Variants in PLA2G4F observed in about 807,000 individuals in gnomAD.
PLA2G4F encodes the protein cytosolic phospholipase A2 zeta.
PLA2G4F carries 105 observed loss-of-function variants against 103.1 expected under a neutral mutation model. The observed-to-expected ratio is 1.02, with a 90% CI of 0.87 to 1.20. The LOEUF (loss-of-function observed/expected upper bound fraction) is 1.20, where lower values mean the gene tolerates loss of function less well. Among genes scored for constraint, PLA2G4F ranks in the 50% most tolerant of loss-of-function variants. The pLI is 0.00. For missense variants in PLA2G4F, 1,155 were observed against 1,075.9 expected (o/e 1.07, Z -1.03); for synonymous variants, 468 against 441.1 (o/e 1.06, Z -0.76).
At chr15:42,151,007 C>T (rs1595623016) in intron 7 of PLA2G4F, 60 of 985,382 alleles carry the variant, frequency 6.1e-5, no homozygotes, top group Non-Finnish European at 6.9e-5. Flanking sequence ...GGGTGGGAAG[C>T]ACACAAATGC....
rs2048829207 is a variant in PLA2G4F, at chr15:42,141,878, A to G, written c.*106T>C. ...GCACCTCGAGGCAGGTCCTGGAGAG[A>G]AGGGAAGCAGATCCTGCACAGAGTC... On this transcript the variant is annotated 3_prime_UTR_variant, in exon 20 of 20. Coordinates refer to ENST00000397272, the MANE Select transcript of PLA2G4F (RefSeq NM_213600.4). 8.2e-7 allele frequency: 1 copy of G among 1,212,546 alleles called. No individual in the cohort carries two copies. Among genetic ancestry groups the G allele is most frequent in the Non-Finnish European group, 1.2e-6 (1 of 861,818 alleles). 75.1% of individuals were successfully genotyped at this position (1,212,546 alleles called of 1,614,324 possible). A position where few individuals can be genotyped will look rare whatever the true frequency, so the allele number is the denominator to read the frequency against.
In PLA2G4F at chr15:42,141,931, G is replaced by C; in HGVS notation, c.*53C>G. The C allele has an allele frequency of 4.6e-6, 7 of 1,536,298 alleles. No homozygotes were observed. Among genetic ancestry groups the C allele is most frequent in the Non-Finnish European group, 5.4e-6 (6 of 1,118,820 alleles). On this transcript the variant is annotated 3_prime_UTR_variant, in exon 20 of 20. Coordinates refer to ENST00000397272, the MANE Select transcript of PLA2G4F (RefSeq NM_213600.4). The stretch of plus-strand genomic sequence containing the variant: ...CATCGCTCCTCCCTCTACAAGCCCT[G>C]ACCATGAGCAGTGTGTCTCCTCTCT...
At position 42,141,223 on chromosome 15, in the gene PLA2G4F, A is replaced by T. The variant is rs2048824517; in HGVS notation, c.*761T>A. 1 of 456,600 alleles carries T rather than the reference A, an allele frequency of 2.2e-6. No individual in the cohort carries two copies. Among genetic ancestry groups the T allele is most frequent in the Non-Finnish European group, 4.4e-6 (1 of 226,978 alleles). The allele number at this position is 456,600 out of a possible 1,614,324, so 28.3% of individuals were successfully genotyped here. A position where few individuals can be genotyped will look rare whatever the true frequency, so the allele number is the denominator to read the frequency against. On this transcript the variant is annotated 3_prime_UTR_variant, in exon 20 of 20. Coordinates refer to ENST00000397272, the MANE Select transcript of PLA2G4F (RefSeq NM_213600.4). ...TTTAGCTCCTAGGAATGGTGAGACT[A>T]TATTTGCATGATGTGGCCACTACAC...
At chr15:42,144,310 T>C (rs1262930850) in intron 17 of PLA2G4F, 140 bp downstream of exon 17, 1 of 1,388,910 alleles carries the variant, frequency 7.2e-7, no homozygotes, top group African/African-American at 1.4e-5. Context: ...TCCAGCAGTA[T>C]TTAGAGTCGC....
chr15:42,146,428 TG>T (rs35576210), intron 13 of PLA2G4F, among the ~76,000 whole-genome samples, 187 bp from the exon 14 acceptor site: 1 of 152,236 alleles, frequency 6.6e-6, no homozygotes, highest in African/African-American at 2.4e-5. Flanking sequence ...GAGCCCACAG[TG>T]GGTCTGTACA....
intron 7 of PLA2G4F, chr15:42,151,016 G>C (rs2048955848): frequency 5.1e-6 from 5 of 985,334 alleles, no homozygotes; most frequent in Non-Finnish European, 4.8e-6. Flanking sequence ...GCACACAAAT[G>C]CCTGGAGGGG....
rs199610183 is a variant in PLA2G4F, at chr15:42,145,563, C to T, written c.1780+12G>A. On this transcript the variant is annotated intron_variant, in intron 16 of 19. Transcript: ENST00000397272. ...ATGTGGTGTGGGAGGGGCTCGGGGT[C>T]GCTACCCTCACCTGTGATATTCACA... is the stretch of plus-strand genomic sequence containing the variant. 2,805 of 1,611,700 alleles carry T rather than the reference C, an allele frequency of 1.7e-3. 5 individuals are homozygous for T. The highest frequency in any genetic ancestry group is 2.2e-3 in the Non-Finnish European group (2,649 of 1,178,124).
Position 42,153,665 on chromosome 15 carries a change from A to G in PLA2G4F, c.451-5T>C, listed in dbSNP as rs764060475. ...CACCTGCAGCTCTTGTGAATCCTAC[A>G]TGGAGGGGGAGGGAGCACCAATTTT... On this transcript the variant is annotated splice_polypyrimidine_tract_variant and splice_region_variant and intron_variant, in intron 4 of 19. Transcript: ENST00000397272. 8.7e-6 allele frequency: 14 copies of G among 1,614,050 alleles called. No homozygotes were observed. Among genetic ancestry groups the G allele is most frequent in the East Asian group, 2.2e-5 (1 of 44,864 alleles).
Position 42,147,163 on chromosome 15 carries a change from GT to G in PLA2G4F, c.1379del (p.Asp460AlafsTer46), listed in dbSNP as rs1321779775. On this transcript the variant is annotated frameshift_variant, in exon 13 of 20. Coordinates refer to ENST00000397272, the MANE Select transcript of PLA2G4F (RefSeq NM_213600.4). LOFTEE classifies it high-confidence loss of function. Reference sequence around the variant, plus strand: ...GATACTCAACAAGGAGGCCCCAGAGGTCGATGAGGGACACGCTGTGGCCACT... The same window carrying G: ...GATACTCAACAAGGAGGCCCCAGAGGCGATGAGGGACACGCTGTGGCCACT... ...ERSGHSVSLI[D>X]LWGLLVEYLL... The G allele has an allele frequency of 2.5e-6, 4 of 1,612,744 alleles. No individual in the cohort carries two copies. Among genetic ancestry groups the G allele is most frequent in the Non-Finnish European group, 8.5e-7 (1 of 1,179,958 alleles).
In PLA2G4F at chr15:42,146,251, AAAG is replaced by A. The variant is rs2048884127; in HGVS notation, c.1420-13_1420-11del. On this transcript the variant is annotated splice_polypyrimidine_tract_variant and intron_variant, in intron 13 of 19. Coordinates refer to ENST00000397272, the MANE Select transcript of PLA2G4F (RefSeq NM_213600.4). ...GCTTGGCAGGGTTCTCCTGGGCAGG[AAAG>A]AAGGGAGGCAGCTTGGCCTTTCAGG... The A allele has an allele frequency of 1.2e-6, 2 of 1,613,412 alleles. No homozygotes were observed. Among genetic ancestry groups the A allele is most frequent in the Non-Finnish European group, 1.7e-6 (2 of 1,179,396 alleles).
chr15:42,146,748 G>A (rs2048889680), intron 13 of PLA2G4F: 1 of 236,688 alleles, frequency 4.2e-6, no homozygotes, highest in East Asian at 1.0e-4. Context: ...GGAATTGGCT[G>A]AGAAGTGGGT....
At position 42,147,788 on chromosome 15, in the gene PLA2G4F, C is replaced by T. The variant is rs1042653110; in HGVS notation, c.1060-26G>A. On this transcript the variant is annotated intron_variant, in intron 11 of 19. Coordinates refer to ENST00000397272, the MANE Select transcript of PLA2G4F (RefSeq NM_213600.4). Reference sequence around the variant, plus strand: ...CTGGGTACAATAATAACAAGGATAACGACTCCGACTACCACCGTCATTGAC... The same window carrying T: ...CTGGGTACAATAATAACAAGGATAATGACTCCGACTACCACCGTCATTGAC... 8.1e-6 allele frequency: 13 copies of T among 1,611,718 alleles called. No individual in the cohort carries two copies. The South Asian group carries it at 1.1e-4, about 14-fold the overall frequency.
chr15:42,150,978 C>G, intron 7 of PLA2G4F: 1 of 985,336 alleles, frequency 1.0e-6, no homozygotes, highest in Non-Finnish European at 1.2e-6. Flanking sequence ...CTGCCCTGGT[C>G]AGAACTGGGA....
chr15:42,151,783 A>G (rs369599993), intron 7 of PLA2G4F: 3 of 586,076 alleles, frequency 5.1e-6, no homozygotes, highest in East Asian at 2.9e-4. Flanking sequence ...GCGGAGTGTC[A>G]CCGACCTGGG....
At chr15:42,156,134 T>C (rs2049012748) in intron 1 of PLA2G4F, among the ~76,000 whole-genome samples, 1 of 152,034 alleles carries the variant, frequency 6.6e-6, no homozygotes, top group Non-Finnish European at 1.5e-5. Context: ...TGCTGCCTAC[T>C]GGGAGGGAAA....
chr15:42,146,247 C>T lies in PLA2G4F; in HGVS notation c.1420-6G>A, dbSNP rs760497559. ...GACAGCTTGGCAGGGTTCTCCTGGG[C>T]AGGAAAGAAGGGAGGCAGCTTGGCC... On this transcript the variant is annotated splice_polypyrimidine_tract_variant and splice_region_variant and intron_variant, in intron 13 of 19. Coordinates refer to ENST00000397272, the MANE Select transcript of PLA2G4F (RefSeq NM_213600.4). 3.7e-6 allele frequency: 6 copies of T among 1,613,714 alleles called. No homozygotes were observed. The South Asian group carries it at 6.6e-5, about 18-fold the overall frequency.
rs2048818789 is a variant in PLA2G4F at position 42,140,421 on chromosome 15, G to A, written c.*1563C>T. 1 of 152,268 alleles carries A rather than the reference G, an allele frequency of 6.6e-6. No individual in the cohort carries two copies. The highest frequency in any genetic ancestry group is 2.4e-5 in the African/African-American group (1 of 41,470). The allele number at this position is 152,268 out of a possible 1,614,324, so 9.4% of individuals were successfully genotyped here. A position where few individuals can be genotyped will look rare whatever the true frequency, so the allele number is the denominator to read the frequency against. ...TATTGATGACGGCAGGCACAGCAGT[G>A]TTGATGACAATGGCCACAGCAGGAG... On this transcript the variant is annotated 3_prime_UTR_variant, in exon 20 of 20. Coordinates refer to ENST00000397272, the MANE Select transcript of PLA2G4F (RefSeq NM_213600.4).
At chr15:42,142,935 C>A (rs1690493450) in intron 18 of PLA2G4F, among the ~76,000 whole-genome samples, 1 of 151,948 alleles carries the variant, frequency 6.6e-6, no homozygotes. Context: ...AATCCCAGCA[C>A]TTTGGGAGGC....
chr15:42,151,839 G>A (rs188165646), intron 7 of PLA2G4F, among the ~76,000 whole-genome samples: 3 of 152,348 alleles, frequency 2.0e-5, no homozygotes, highest in African/African-American at 7.2e-5. Context: ...CCGTGAGCAA[G>A]TGTTTTCTTT....
Sources: gnomAD v4.1 joint callset for allele counts (sites outside exome capture counted in the v4.1 genomes callset) on GRCh38, gnomAD v4.1.1 for gene constraint, MANE v1.5 for transcripts, NCBI Gene and HGNC (gene_info 2026-07-23, HGNC 2026-07-21) for gene names.